The following CNTNAP2 variants were observed in gnomAD, a reference collection of about 807,000 sequenced individuals.
CNTNAP2 encodes the protein contactin associated protein 2, also known as contactin-associated protein-like 2.
CNTNAP2 carries 98 observed loss-of-function variants against 155.2 expected under a neutral mutation model. The ratio of observed to expected loss-of-function variants is 0.63; its 90% CI spans 0.54 to 0.75. The LOEUF (loss-of-function observed/expected upper bound fraction) is 0.75, where lower values mean the gene tolerates loss of function less well. Among genes scored for constraint, CNTNAP2 ranks in the 30% least tolerant of loss-of-function variants. CNTNAP2 has a pLI of 0.00. For synonymous variants in CNTNAP2, 651 were observed against 631.2 expected, an observed-to-expected ratio of 1.03 and a Z score of -0.47; for missense variants, 1,727 against 1,688.1, an observed-to-expected ratio of 1.02 and a Z score of -0.40.
At chr7:146,414,912 G>A (rs999129122) in intron 1 of CNTNAP2, among the ~76,000 whole-genome samples, 1 of 152,088 alleles carries the variant, frequency 6.6e-6, no homozygotes, top group African/African-American at 2.4e-5. Context: ...AATAAAATAA[G>A]TACAGTCTCT....
chr7:146,785,271 G>A (rs1356620065), intron 2 of CNTNAP2, among the ~76,000 whole-genome samples: 1 of 152,120 alleles, frequency 6.6e-6, no homozygotes, highest in Non-Finnish European at 1.5e-5. Flanking sequence ...ACAGAGCGCA[G>A]CCTATATGCT....
intron 9 of CNTNAP2, among the ~76,000 whole-genome samples, chr7:147,319,078 T>C (rs1426793532): frequency 6.6e-6 from 1 of 152,162 alleles, no homozygotes; most frequent in Non-Finnish European, 1.5e-5. Flanking sequence ...TTACTAATAA[T>C]TTATTCATGT....
intron 13 of CNTNAP2, among the ~76,000 whole-genome samples, chr7:147,762,554 T>A (rs1458616341): frequency 2.6e-5 from 4 of 152,080 alleles, no homozygotes; most frequent in Non-Finnish European, 5.9e-5. Flanking sequence ...ATGCTTTTTT[T>A]TTTCAATCTC....
At chr7:147,724,343 T>A (rs996991837) in intron 13 of CNTNAP2, among the ~76,000 whole-genome samples, 5 of 152,160 alleles carry the variant, frequency 3.3e-5, no homozygotes, top group Admixed American at 1.3e-4. Context: ...TGAGCCGGAA[T>A]TAAATGAAAT....
chr7:148,163,243 T>C (rs1805585105), intron 17 of CNTNAP2, among the ~76,000 whole-genome samples: 2 of 152,320 alleles, frequency 1.3e-5, no homozygotes, highest in East Asian at 1.9e-4. Flanking sequence ...ACTGGCTATA[T>C]GACAGCAAAT....
Position 147,984,840 on chromosome 7 carries a change from C to T in CNTNAP2, c.2383+6851C>T, listed in dbSNP as rs117896686. Among the ~76,000 whole-genome samples, 1,125 of 152,174 alleles carry T rather than the reference C, an allele frequency of 7.4e-3. 13 individuals are homozygous for T. The highest frequency in any genetic ancestry group is 0.027 in the Middle Eastern group (8 of 294). ...TCAAAAGGACTATTTACTGGCTGGG[C>T]GCAGTGGTTCATGCCTGTAATCCCA... On this transcript the variant is annotated intron_variant, in intron 15 of 23. Transcript: ENST00000361727.
intron 1 of CNTNAP2, among the ~76,000 whole-genome samples, chr7:146,350,506 A>G (rs914517790): frequency 1.3e-5 from 2 of 151,900 alleles, no homozygotes; most frequent in Non-Finnish European, 1.5e-5. Flanking sequence ...TTAGAATGGC[A>G]ATCATTAAAA....
intron 1 of CNTNAP2, among the ~76,000 whole-genome samples, chr7:146,429,195 A>G (rs13227414): frequency 0.29 from 44,483 of 151,688 alleles, 6,667 homozygotes; most frequent in Admixed American, 0.43. Context: ...TTTGCTTGTG[A>G]TTGTCTTGGC....
intron 3 of CNTNAP2, among the ~76,000 whole-genome samples, chr7:147,024,270 C>T (rs867447203): frequency 1.3e-5 from 2 of 152,024 alleles, no homozygotes; most frequent in Non-Finnish European, 2.9e-5. Context: ...ACATCTATAT[C>T]GCAATTGCAA....
intron 8 of CNTNAP2, among the ~76,000 whole-genome samples, chr7:147,242,694 C>T (rs1378023936): frequency 6.6e-6 from 1 of 152,002 alleles, no homozygotes; most frequent in Non-Finnish European, 1.5e-5. Context: ...TTCTTTGACT[C>T]GCAATATACC....
chr7:147,534,151 C>A (rs533618400), intron 11 of CNTNAP2, among the ~76,000 whole-genome samples: 2 of 152,142 alleles, frequency 1.3e-5, no homozygotes, highest in African/African-American at 4.8e-5. Context: ...TGACATTTGG[C>A]AATGCCTAGA....
intron 1 of CNTNAP2, among the ~76,000 whole-genome samples, chr7:146,332,092 T>C (rs752751664): frequency 1.3e-5 from 2 of 152,096 alleles, no homozygotes; most frequent in Middle Eastern, 3.4e-3. Context: ...CACAAATATA[T>C]ATGGTATATT....
chr7:148,323,301 T>C (rs1797832183), intron 21 of CNTNAP2, among the ~76,000 whole-genome samples: 1 of 137,786 alleles, frequency 7.3e-6, no homozygotes, highest in African/African-American at 2.6e-5. Context: ...TTTCTTTTTT[T>C]TTTTTTTTTT....
chr7:148,273,624 G>A (rs1451064925), intron 21 of CNTNAP2, among the ~76,000 whole-genome samples: 1 of 152,238 alleles, frequency 6.6e-6, no homozygotes, highest in African/African-American at 2.4e-5. Flanking sequence ...AACTTGAGAA[G>A]CTGTGCTTAG....
At chr7:146,696,144 C>A (rs898583696) in intron 1 of CNTNAP2, among the ~76,000 whole-genome samples, 1 of 152,206 alleles carries the variant, frequency 6.6e-6, no homozygotes, top group East Asian at 1.9e-4. Flanking sequence ...TTGGTAGATT[C>A]ACCAGTGGAA....
intron 9 of CNTNAP2, among the ~76,000 whole-genome samples, chr7:147,329,180 G>T (rs1432780246): frequency 6.6e-6 from 1 of 151,778 alleles, no homozygotes; most frequent in Non-Finnish European, 1.5e-5. Flanking sequence ...ACACACACAG[G>T]TATGTATACC....
intron 14 of CNTNAP2, among the ~76,000 whole-genome samples, chr7:147,935,093 TG>T (rs1349234570): frequency 5.3e-5 from 8 of 150,592 alleles, no homozygotes; most frequent in African/African-American, 1.7e-4. Flanking sequence ...CAAAGTTTTT[TG>T]TTTTTTTTTT....
At chr7:146,856,993 A>G (rs937108557) in intron 3 of CNTNAP2, among the ~76,000 whole-genome samples, 1 of 152,228 alleles carries the variant, frequency 6.6e-6, no homozygotes, top group Non-Finnish European at 1.5e-5. Flanking sequence ...CCCTAAAGAC[A>G]TAATTGGGTC....
intron 14 of CNTNAP2, among the ~76,000 whole-genome samples, chr7:147,964,512 T>C (rs2116847110): frequency 6.6e-6 from 1 of 152,296 alleles, no homozygotes; most frequent in South Asian, 2.1e-4. Context: ...TTTCCCCTTC[T>C]GGATCCTCAC....
Sources: allele counts gnomAD v4.1 joint callset (sites outside exome capture counted in the v4.1 genomes callset), GRCh38; gene constraint gnomAD v4.1.1; transcripts MANE v1.5; gene names NCBI Gene and HGNC (gene_info 2026-07-23, HGNC 2026-07-21).